Variants in STPG2 observed in about 807,000 individuals in gnomAD.
STPG2 encodes the protein sperm-tail PG-rich repeat-containing protein 2.
In STPG2, 56 loss-of-function variants were observed where a neutral mutation model predicts 54.2. That is an observed-to-expected ratio of 1.03 (90% CI 0.83 to 1.29). STPG2 has a LOEUF of 1.29. STPG2 is among the 50% of genes most tolerant of loss of function. STPG2 has a pLI of 0.00. For synonymous variants in STPG2, 200 were observed against 181.8 expected, an observed-to-expected ratio of 1.10 and a Z score of -0.81; for missense variants, 596 against 544.9, an observed-to-expected ratio of 1.09 and a Z score of -0.93.
intron 4 of STPG2, among the ~76,000 whole-genome samples, chr4:97,480,244 G>A (rs1730184367): frequency 1.3e-5 from 2 of 151,566 alleles, no homozygotes; most frequent in South Asian, 2.1e-4. Flanking sequence ...CACTCAATAT[G>A]ACTGAGTTAA....
chr4:98,103,644 AAAAAT>A (rs138971893), intron 5 of STPG2, among the ~76,000 whole-genome samples: 9,009 of 149,034 alleles, frequency 0.06, 300 homozygotes, highest in Middle Eastern at 0.096. Flanking sequence ...TCCATCTCAA[AAAAAT>A]AAAATAAAAT....
intron 4 of STPG2, among the ~76,000 whole-genome samples, chr4:97,486,221 C>T (rs919652853): frequency 7.3e-5 from 11 of 151,562 alleles, no homozygotes; most frequent in African/African-American, 2.7e-4. Context: ...GGAACAGTCA[C>T]CAGAGTAAAA....
intron 5 of STPG2, among the ~76,000 whole-genome samples, chr4:98,094,878 G>T (rs976724759): frequency 1.3e-5 from 2 of 152,142 alleles, no homozygotes; most frequent in Admixed American, 1.3e-4. Context: ...CGAAATTACA[G>T]TGTTATACTT....
chr4:97,477,780 GCGCCTGGCCT>G (rs1200046116), intron 4 of STPG2, among the ~76,000 whole-genome samples: 1 of 151,874 alleles, frequency 6.6e-6, no homozygotes, highest in Non-Finnish European at 1.5e-5. Flanking sequence ...GTGAGGAACC[GCGCCTGGCCT>G]CGCTTTTTAA....
chr4:97,956,788 A>G (rs1231976573), intron 7 of STPG2, among the ~76,000 whole-genome samples: 3 of 152,198 alleles, frequency 2.0e-5, no homozygotes, highest in Non-Finnish European at 4.4e-5. Flanking sequence ...CAGCAAGGGG[A>G]CACCCCATGG....
At chr4:98,070,924 A>G (rs1322394709) in intron 5 of STPG2, among the ~76,000 whole-genome samples, 1 of 151,752 alleles carries the variant, frequency 6.6e-6, no homozygotes, top group Admixed American at 6.6e-5. Flanking sequence ...TCATGAAAAC[A>G]TCCATACTGC....
chr4:98,102,050 T>C (rs1175040457), intron 5 of STPG2, among the ~76,000 whole-genome samples: 4 of 152,204 alleles, frequency 2.6e-5, no homozygotes, highest in African/African-American at 9.7e-5. Flanking sequence ...TGCTAACCAC[T>C]GTAAAATGGG....
intron 4 of STPG2, among the ~76,000 whole-genome samples, chr4:97,502,098 T>C (rs147589239): frequency 2.6e-3 from 390 of 151,944 alleles, no homozygotes; most frequent in Middle Eastern, 0.017. Flanking sequence ...ACAAAGATAA[T>C]TGAATATATG....
At chr4:97,832,307 T>C (rs757972082) in intron 9 of STPG2, among the ~76,000 whole-genome samples, 7 of 151,376 alleles carry the variant, frequency 4.6e-5, no homozygotes, top group African/African-American at 1.7e-4. Context: ...GAAAAGGCCT[T>C]TGACAACACC....
intron 7 of STPG2, among the ~76,000 whole-genome samples, chr4:97,963,665 A>G (rs948698081): frequency 7.9e-5 from 12 of 151,558 alleles, no homozygotes; most frequent in South Asian, 2.1e-4. Context: ...ATACATATAT[A>G]TATAAATACA....
rs546638883 is a variant in STPG2, at chr4:97,562,990, T to C, written c.1321-3873A>G. 1.4e-4 allele frequency among the ~76,000 whole-genome samples: 22 copies of C among 152,332 alleles called. 1 individual carries two copies. In the South Asian group the frequency reaches 4.6e-3, roughly 32 times the overall value. On this transcript the variant is annotated intron_variant, in intron 10 of 10. Transcript: ENST00000295268. ...TTAGGGAGGATTCCCTCTTTTTCTATTGATAGGAATAGTTTCAGAAGGAAT... is the reference window on the plus strand; with the variant it reads ...TTAGGGAGGATTCCCTCTTTTTCTACTGATAGGAATAGTTTCAGAAGGAAT...
At chr4:97,923,358 G>C (rs1732195378) in intron 8 of STPG2, among the ~76,000 whole-genome samples, 1 of 106,684 alleles carries the variant, frequency 9.4e-6, no homozygotes, top group Admixed American at 1.2e-4. Flanking sequence ...GCCGCCCCCT[G>C]CTCCAGGGCG....
intron 8 of STPG2, among the ~76,000 whole-genome samples, chr4:97,888,035 G>A (rs549470842): frequency 1.3e-5 from 2 of 152,228 alleles, no homozygotes; most frequent in African/African-American, 4.8e-5. Context: ...TGCACAGAGT[G>A]CAAGAGTTGA....
chr4:98,058,788 C>T (rs766795545), intron 5 of STPG2, among the ~76,000 whole-genome samples: 18 of 152,096 alleles, frequency 1.2e-4, no homozygotes, highest in Admixed American at 7.2e-4. Context: ...ATGGCACATA[C>T]TCTAAAATTG....
intron 4 of STPG2, among the ~76,000 whole-genome samples, chr4:97,465,539 T>G (rs926423649): frequency 6.6e-6 from 1 of 152,250 alleles, no homozygotes; most frequent in African/African-American, 2.4e-5. Flanking sequence ...TCATAAACTC[T>G]TATCAGATTC....
At chr4:97,473,589 G>A (rs547741112) in intron 4 of STPG2, among the ~76,000 whole-genome samples, 15 of 152,052 alleles carry the variant, frequency 9.9e-5, no homozygotes, top group East Asian at 1.9e-4. Context: ...ATTTTGCCCC[G>A]GTCCTGTGCT....
Position 98,032,457 on chromosome 4 carries a change from T to C in STPG2, c.613-51139A>G, listed in dbSNP as rs115188207. Among the ~76,000 whole-genome samples, 272 of 151,862 alleles carry C rather than the reference T, an allele frequency of 1.8e-3. 2 individuals carry two copies. The highest frequency in any genetic ancestry group is 6.1e-3 in the African/African-American group (254 of 41,448). On this transcript the variant is annotated intron_variant, in intron 5 of 10. Coordinates refer to ENST00000295268, the MANE Select transcript of STPG2 (RefSeq NM_174952.3). ...ACGAGATACCATCTAACACAAGTCA[T>C]AATGGAAGACACAGAGACTCCCACA...
At chr4:97,520,901 T>A (rs1341224830) in intron 4 of STPG2, among the ~76,000 whole-genome samples, 1 of 151,974 alleles carries the variant, frequency 6.6e-6, no homozygotes, top group Admixed American at 6.6e-5. Flanking sequence ...GTTATAGAGT[T>A]TGTGAAAATA....
intron 5 of STPG2, among the ~76,000 whole-genome samples, chr4:98,062,342 T>C (rs1737686446): frequency 6.6e-6 from 1 of 151,998 alleles, no homozygotes; most frequent in African/African-American, 2.4e-5. Flanking sequence ...AAGACAACTA[T>C]TGGGTACTGG....
Sources: gnomAD v4.1 joint callset for allele counts (sites outside exome capture counted in the v4.1 genomes callset) on GRCh38, gnomAD v4.1.1 for gene constraint, MANE v1.5 for transcripts, NCBI Gene and HGNC (gene_info 2026-07-23, HGNC 2026-07-21) for gene names.